BRWD1: variants seen among roughly 807,000 people sequenced by gnomAD.
BRWD1 encodes bromodomain and WD repeat domain containing 1.
BRWD1 carries 82 observed loss-of-function variants against 251.2 expected under a neutral mutation model. That is an observed-to-expected ratio of 0.33 (90% CI 0.27 to 0.39). BRWD1 has a LOEUF of 0.39. BRWD1 is among the 10% of genes least tolerant of loss of function. The pLI is 1.00. For synonymous variants in BRWD1, 918 were observed against 902.8 expected (o/e 1.02, Z -0.30); for missense variants, 2,233 against 2,711.6 (o/e 0.82, Z 3.92).
At chr21:39,275,777 A>G (rs1163107574) in intron 12 of BRWD1, among the ~76,000 whole-genome samples, 1 of 152,244 alleles carries the variant, frequency 6.6e-6, no homozygotes, top group Non-Finnish European at 1.5e-5. Flanking sequence ...TCACGCCTGT[A>G]ATCCCAGCAC....
intron 17 of BRWD1, 67 bp downstream of exon 17, chr21:39,264,389 ATTAT>A: frequency 1.1e-6 from 1 of 928,722 alleles, no homozygotes; most frequent in Non-Finnish European, 1.5e-6. Flanking sequence ...AGGTAAGGAA[ATTAT>A]TTATATTATA....
rs748560365 is a variant in BRWD1, at chr21:39,196,311, T to TCCC, written c.6755_6757dup (p.Gly2252dup). On this transcript the variant is annotated inframe_insertion, in exon 41 of 41. Coordinates refer to ENST00000342449, the MANE Select transcript of BRWD1 (RefSeq NM_033656.4). ...CACATTTTCTAAACTTCTGTCATCA[T>TCCC]CCCCATCATGGTATCTCACAGTCCT... 5 of 1,611,640 alleles carry TCCC rather than the reference T, an allele frequency of 3.1e-6. No individual in the cohort carries two copies. Among genetic ancestry groups the TCCC allele is most frequent in the Admixed American group, 1.7e-5 (1 of 59,630 alleles).
At chr21:39,249,340 C>T (rs546403633) in intron 20 of BRWD1, among the ~76,000 whole-genome samples, 1 of 152,194 alleles carries the variant, frequency 6.6e-6, no homozygotes, top group Admixed American at 6.5e-5. Context: ...GCACATATAC[C>T]CCTGAAGCTA....
chr21:39,292,514 G>C (rs1350230770), intron 8 of BRWD1, among the ~76,000 whole-genome samples: 1 of 152,014 alleles, frequency 6.6e-6, no homozygotes. Context: ...TCATACCCTC[G>C]CCCCAGACGT....
intron 1 of BRWD1, among the ~76,000 whole-genome samples, chr21:39,318,954 T>A (rs892098742): frequency 6.6e-6 from 1 of 152,168 alleles, no homozygotes; most frequent in Admixed American, 6.6e-5. Context: ...TTATTTATTT[T>A]TTAGAGACAG....
intron 5 of BRWD1, 137 bp downstream of exon 5, chr21:39,298,295 T>C (rs189315619): frequency 1.6e-4 from 217 of 1,338,876 alleles, no homozygotes; most frequent in Non-Finnish European, 2.0e-4. Context: ...CTATGCTAAA[T>C]GCAGAGAATT....
Position 39,277,233 on chromosome 21 carries a change from TA to T in BRWD1, c.1104+17del. 6.4e-7 allele frequency: 1 copy of T among 1,569,234 alleles called. No homozygotes were observed. The highest frequency in any genetic ancestry group is 8.7e-7 in the Non-Finnish European group (1 of 1,144,552). ...TATTAACAATTAATCTAAAGGATTT[TA>T]AAACGTGGATGCTTACAGTGTGGCT... On this transcript the variant is annotated intron_variant, in intron 11 of 40. Coordinates refer to ENST00000342449, the MANE Select transcript of BRWD1 (RefSeq NM_033656.4).
At position 39,194,522 on chromosome 21, in the gene BRWD1, T is replaced by G. The variant is rs926519484; in HGVS notation, c.*1737A>C. ...AAGCATCATAGTTCTGAAATGGTGATAGCTCTCTAAGCCACAAATGAGAGG... is the reference window on the plus strand; with the variant it reads ...AAGCATCATAGTTCTGAAATGGTGAGAGCTCTCTAAGCCACAAATGAGAGG... On this transcript the variant is annotated 3_prime_UTR_variant, in exon 41 of 41. Transcript: ENST00000342449. 8.4e-6 allele frequency: 12 copies of G among 1,430,292 alleles called. No homozygotes were observed. The African/African-American group carries it at 1.3e-4, about 15-fold the overall frequency. 88.6% of individuals were successfully genotyped at this position (1,430,292 alleles called of 1,614,324 possible). A position where few individuals can be genotyped will look rare whatever the true frequency, so the allele number is the denominator to read the frequency against.
chr21:39,274,457 G>A lies in BRWD1; in HGVS notation c.1161C>T (p.Ser387=). Residue 387 remains serine, a synonymous_variant, in exon 13 of 41, where the codon AGC becomes AGT. Transcript: ENST00000342449. ...CNNGDRFLSG[S]RDGTARIWRF... ...TCCAAATCCGTGCTGTTCCATCTCT[G>A]CTACCACTTAGGAACCTTAAAACAT... The A allele has an allele frequency of 6.2e-7, 1 of 1,613,606 alleles. No homozygotes were observed. The highest frequency in any genetic ancestry group is 8.5e-7 in the Non-Finnish European group (1 of 1,179,748).
At position 39,298,532 on chromosome 21, in the gene BRWD1, C is replaced by T; in HGVS notation, c.249G>A (p.Gln83=). ...CTTTATCCAACATAGGACCGATGCG[C>T]TGGCAGATTTGCAAAAGATGATCAG... ...VAPDHLLQIC[Q]RIGPMLDKEI... Residue 83 remains glutamine, a synonymous_variant, in exon 5 of 41, where the codon CAG becomes CAA. Coordinates refer to ENST00000342449, the MANE Select transcript of BRWD1 (RefSeq NM_033656.4). The T allele has an allele frequency of 6.2e-7, 1 of 1,609,378 alleles. No individual in the cohort carries two copies. The highest frequency in any genetic ancestry group is 8.5e-7 in the Non-Finnish European group (1 of 1,178,516).
In BRWD1 at chr21:39,187,928, CGA is replaced by C. The variant is rs1249326043; in HGVS notation, c.*8329_*8330del. 2 of 981,920 alleles carry C rather than the reference CGA, an allele frequency of 2.0e-6. No homozygotes were observed. Among genetic ancestry groups the C allele is most frequent in the East Asian group, 1.1e-4 (1 of 8,794 alleles). 60.8% of individuals were successfully genotyped at this position (981,920 alleles called of 1,614,324 possible). A position where few individuals can be genotyped will look rare whatever the true frequency, so the allele number is the denominator to read the frequency against. Reference sequence around the variant, plus strand: ...GGCTTCCTTTAAGGAAGCTTTTAGACGAGAGGTGAAAATTGTGAAGGGATTTG... The same window carrying C: ...GGCTTCCTTTAAGGAAGCTTTTAGACGAGGTGAAAATTGTGAAGGGATTTG... On this transcript the variant is annotated 3_prime_UTR_variant, in exon 41 of 41. Transcript: ENST00000342449.
chr21:39,217,069 ATATATATATATATATTT>A (rs2032965785), intron 31 of BRWD1: 1 of 8,790 alleles, frequency 1.1e-4, no homozygotes, highest in African/African-American at 4.3e-4. Flanking sequence ...ATATATATAT[ATATATATATATATATTT>A]TTTTTTTTTT....
intron 4 of BRWD1, among the ~76,000 whole-genome samples, chr21:39,301,302 A>G (rs2036104944): frequency 6.6e-6 from 1 of 152,242 alleles, no homozygotes; most frequent in African/African-American, 2.4e-5. Context: ...TTACTTCAGA[A>G]AACAGTAACA....
At chr21:39,202,303 A>G in intron 38 of BRWD1, 22 bp downstream of exon 38, 2 of 1,570,942 alleles carry the variant, frequency 1.3e-6, no homozygotes, top group Non-Finnish European at 1.7e-6. Flanking sequence ...GCAAAGAAAT[A>G]ACATAGTATT....
At chr21:39,271,456 G>A (rs549594253) in intron 13 of BRWD1, among the ~76,000 whole-genome samples, 20 of 151,930 alleles carry the variant, frequency 1.3e-4, no homozygotes, top group African/African-American at 3.6e-4. Flanking sequence ...TTGAGAGGCC[G>A]AGGCAGGCGG....
chr21:39,217,034 TAAATATATATA>T (rs2032944323), intron 31 of BRWD1: 1 of 19,580 alleles, frequency 5.1e-5, no homozygotes, highest in Non-Finnish European at 1.0e-4. Flanking sequence ...TATATATATA[TAAATATATATA>T]TATATTTATA....
Position 39,188,888 on chromosome 21 carries a change from T to A in BRWD1, c.*7371A>T. On this transcript the variant is annotated 3_prime_UTR_variant, in exon 41 of 41. Transcript: ENST00000342449. ...TGTTCAGTGTTCAGTCTCCAGGCATTGTAAATGGCATTTTACCAGAGTAAG... is the reference window on the plus strand; with the variant it reads ...TGTTCAGTGTTCAGTCTCCAGGCATAGTAAATGGCATTTTACCAGAGTAAG... The A allele has an allele frequency of 1.0e-6, 1 of 985,442 alleles. No homozygotes were observed. Among genetic ancestry groups the A allele is most frequent in the Non-Finnish European group, 1.2e-6 (1 of 829,920 alleles). The allele number at this position is 985,442 out of a possible 1,614,324, so 61.0% of individuals were successfully genotyped here.
At chr21:39,314,277 C>T, upstream of BRWD1, 1 of 455,976 alleles carries the variant, frequency 2.2e-6, no homozygotes, top group South Asian at 1.5e-5. Flanking sequence ...GCGCTGAAGG[C>T]TGCCGAGACC....
chr21:39,207,485 A>ACACACACACACACAC (rs1350272514), intron 36 of BRWD1, among the ~76,000 whole-genome samples: 3,738 of 119,810 alleles, frequency 0.031, 106 homozygotes, highest in African/African-American at 0.051. Flanking sequence ...CACACACACA[A>ACACACACACACACAC]ACAAAACTCC....
Sources: gnomAD v4.1 joint callset for allele counts (sites outside exome capture counted in the v4.1 genomes callset) on GRCh38, gnomAD v4.1.1 for gene constraint, MANE v1.5 for transcripts, NCBI Gene and HGNC (gene_info 2026-07-23, HGNC 2026-07-21) for gene names.